Variants in SASH1 observed in about 807,000 individuals in gnomAD.
The protein encoded by SASH1 is SAM and SH3 domain-containing protein 1.
In SASH1, 44 loss-of-function variants were observed where a neutral mutation model predicts 125.2. That is an observed-to-expected ratio of 0.35 (90% confidence interval 0.28 to 0.45). SASH1 has a LOEUF of 0.45. SASH1 is among the 20% of genes least tolerant of loss of function. SASH1 has a pLI of 1.00. For missense variants in SASH1, 1,426 were observed against 1,614.5 expected (o/e 0.88, Z 2.00); for synonymous variants, 639 against 649.1 (o/e 0.98, Z 0.24).
At chr6:148,281,064 T>C (rs1401344807) in intron 1 of SASH1, among the ~76,000 whole-genome samples, 3 of 144,608 alleles carry the variant, frequency 2.1e-5, no homozygotes, top group Non-Finnish European at 4.5e-5. Flanking sequence ...TGCCTCAGCC[T>C]CCCAAGTAGC....
At chr6:148,545,479 G>A (rs1162891008) in intron 18 of SASH1, among the ~76,000 whole-genome samples, 1 of 152,232 alleles carries the variant, frequency 6.6e-6, no homozygotes, top group Non-Finnish European at 1.5e-5. Context: ...CTGGCCTAGT[G>A]AGCTGGTGGT....
chr6:148,381,616 T>G (rs866663543), intron 1 of SASH1, among the ~76,000 whole-genome samples: 2 of 130,630 alleles, frequency 1.5e-5, no homozygotes, highest in African/African-American at 3.1e-5. Context: ...TTTCTTGCTT[T>G]CTTTTTTTTT....
chr6:148,423,114 T>C (rs1775644500), intron 2 of SASH1, among the ~76,000 whole-genome samples: 1 of 152,180 alleles, frequency 6.6e-6, no homozygotes, highest in Non-Finnish European at 1.5e-5. Flanking sequence ...AATTTTTGTA[T>C]TTTTATTAGA....
intron 2 of SASH1, among the ~76,000 whole-genome samples, chr6:148,424,848 C>T (rs1775740933): frequency 1.3e-5 from 2 of 152,194 alleles, no homozygotes; most frequent in Admixed American, 6.5e-5. Flanking sequence ...TGTGGCTCCT[C>T]AGCCTGTAGC....
intron 2 of SASH1, among the ~76,000 whole-genome samples, chr6:148,396,478 G>GAAAAAAAAAAAAAAAAAAAAAAA (rs61277112): frequency 1.6e-5 from 1 of 63,788 alleles, no homozygotes; most frequent in Non-Finnish European, 2.8e-5. Flanking sequence ...CTGCATCTCA[G>GAAAAAAAAAAAAAAAAAAAAAAA]AAAAAAAAAA....
chr6:148,505,114 G>A (rs1466524610), intron 8 of SASH1, among the ~76,000 whole-genome samples: 1 of 152,140 alleles, frequency 6.6e-6, no homozygotes, highest in Non-Finnish European at 1.5e-5. Flanking sequence ...CCTCTAGAGA[G>A]CCCTAGGAGG....
chr6:148,512,522 T>G, intron 8 of SASH1: 1 of 985,410 alleles, frequency 1.0e-6, no homozygotes, highest in Non-Finnish European at 1.2e-6. Context: ...ATTCCTCTGG[T>G]TGACCGCTCC....
At chr6:148,310,798 T>G (rs1402602670) in intron 1 of SASH1, among the ~76,000 whole-genome samples, 1 of 152,146 alleles carries the variant, frequency 6.6e-6, no homozygotes. Flanking sequence ...ACAAAATAAC[T>G]ATTAGAATGA....
intron 2 of SASH1, among the ~76,000 whole-genome samples, chr6:148,434,065 T>A (rs1776182681): frequency 7.4e-4 from 1 of 1,348 alleles, no homozygotes; most frequent in Admixed American, 4.2e-3. Context: ...AACTGGAGAT[T>A]TTTTTTTTTT....
the SASH1 span, among the ~76,000 whole-genome samples, chr6:148,248,335 C>G: frequency 2.0e-5 from 3 of 152,118 alleles, no homozygotes; most frequent in Non-Finnish European, 4.4e-5. Flanking sequence ...AATCCAAGAG[C>G]CGGTACAAAG....
chr6:148,374,847 C>G (rs892396757), intron 1 of SASH1, among the ~76,000 whole-genome samples: 1 of 152,088 alleles, frequency 6.6e-6, no homozygotes. Context: ...CAGGTGCTTG[C>G]CACCATGCAT....
rs9403952 is a variant in SASH1, at chr6:148,382,078, A to G, written c.157-8056A>G. Among the ~76,000 whole-genome samples, 183 of 152,342 alleles carry G rather than the reference A, an allele frequency of 1.2e-3. 4 individuals are homozygous for G. The East Asian group carries it at 0.031, about 26-fold the overall frequency. Reference sequence around the variant, plus strand: ...TGGTTCTGGGTTAGCGACCTTTACAAAAGACACCTTGTGTGAGATTTGGGA... The same window carrying G: ...TGGTTCTGGGTTAGCGACCTTTACAGAAGACACCTTGTGTGAGATTTGGGA... On this transcript the variant is annotated intron_variant, in intron 1 of 19. Transcript: ENST00000367467.
intron 1 of SASH1, among the ~76,000 whole-genome samples, chr6:148,385,814 C>T (rs1049312898): frequency 1.3e-5 from 2 of 152,332 alleles, no homozygotes; most frequent in Admixed American, 6.5e-5. Flanking sequence ...TTCCTCAATA[C>T]TCTGCCTTGT....
At position 148,503,251 on chromosome 6, in the gene SASH1, T is replaced by C. The variant is rs555916726; in HGVS notation, c.730-11073T>C. Reference sequence around the variant, plus strand: ...ATTTTTTCAGAGCAAGTTGTTGATATGTATCAAAAGTCCTAAAGACACACC... The same window carrying C: ...ATTTTTTCAGAGCAAGTTGTTGATACGTATCAAAAGTCCTAAAGACACACC... On this transcript the variant is annotated intron_variant, in intron 8 of 19. Transcript: ENST00000367467. Among the ~76,000 whole-genome samples, 348 of 152,294 alleles carry C rather than the reference T, an allele frequency of 2.3e-3. 2 individuals carry two copies. The highest frequency in any genetic ancestry group is 4.1e-3 in the Admixed American group (63 of 15,306).
rs749100749 is a variant in SASH1 at position 148,544,381 on chromosome 6, G to T, written c.2911G>T (p.Asp971Tyr). ...HHPLGTKEGV[D>Y]AEQRMQPKIP... ...TCCCCTGGGCACCAAAGAAGGGGTA[G>T]ATGCTGAGCAGAGAATGCAGCCCAA... The change falls in exon 18 of 20, where the codon GAT becomes TAT. Residue 971 changes from aspartate (D) to tyrosine (Y), a missense_variant. Physicochemically the swap from Asp to Tyr is radical, Grantham distance 160 (BLOSUM62 -3). Transcript: ENST00000367467. The surrounding 1 kb of genome is among the most constrained non-coding windows in gnomAD (Gnocchi z 6.4). 1 of 1,614,190 alleles carries T rather than the reference G, an allele frequency of 6.2e-7. No individual in the cohort carries two copies.
At chr6:148,223,473 G>A in the SASH1 span, among the ~76,000 whole-genome samples, 7 of 152,174 alleles carry the variant, frequency 4.6e-5, no homozygotes, top group South Asian at 2.1e-4. Flanking sequence ...AGAGGCTTCC[G>A]CTGATGTGGG....
intron 4 of SASH1, among the ~76,000 whole-genome samples, chr6:148,463,659 T>G (rs1025041207): frequency 1.3e-5 from 2 of 152,124 alleles, no homozygotes; most frequent in African/African-American, 4.8e-5. Flanking sequence ...AGTATGCAAG[T>G]CACTTACAAA....
intron 1 of SASH1, among the ~76,000 whole-genome samples, chr6:148,362,983 G>A (rs1338483692): frequency 6.6e-6 from 1 of 152,232 alleles, no homozygotes; most frequent in East Asian, 1.9e-4. Flanking sequence ...GGGAGAGAGG[G>A]TGTGGAGAGA....
At chr6:148,465,548 GAAAAAAAAA>G (rs564107121) in intron 4 of SASH1, among the ~76,000 whole-genome samples, 6 of 100,844 alleles carry the variant, frequency 5.9e-5, no homozygotes, top group African/African-American at 2.0e-4. Context: ...GTCTCCAGGA[GAAAAAAAAA>G]AAAAAAAAAG....
Sources: gnomAD v4.1 joint callset for allele counts (sites outside exome capture counted in the v4.1 genomes callset) on GRCh38, gnomAD v4.1.1 for gene constraint, Gnocchi (gnomAD v3.1) non-coding constraint, MANE v1.5 for transcripts, NCBI Gene and HGNC (gene_info 2026-07-23, HGNC 2026-07-21) for gene names.